SLC30A10: variants seen among roughly 807,000 people sequenced by gnomAD.
SLC30A10 encodes the protein solute carrier family 30 member 10.
Under a neutral mutation model 21.7 loss-of-function variants are expected in SLC30A10, and 8 were observed. The ratio of observed to expected loss-of-function variants is 0.37; its 90% CI spans 0.22 to 0.67. The LOEUF is 0.67. Among genes scored for constraint, SLC30A10 ranks in the 30% least tolerant of loss-of-function variants. The pLI is 0.58. For synonymous variants in SLC30A10, 272 were observed against 279.4 expected (o/e 0.97, Z 0.26); for missense variants, 521 against 642.5 (o/e 0.81, Z 2.04).
Position 219,914,349 on chromosome 1 carries a change from G to A in SLC30A10, c.*1100C>T, listed in dbSNP as rs760711715. The A allele has an allele frequency of 3.3e-5, 5 of 152,260 alleles. No homozygotes were observed. Among genetic ancestry groups the A allele is most frequent in the South Asian group, 4.1e-4 (2 of 4,828 alleles). 9.4% of individuals were successfully genotyped at this position (152,260 alleles called of 1,614,324 possible). ...TCAGCGACATGAAAGAAAATTTTAA[G>A]TTCCTCAAAAACACATTAAAGGCAG... is the stretch of plus-strand genomic sequence containing the variant. On this transcript the variant is annotated 3_prime_UTR_variant, in exon 4 of 4. Coordinates refer to ENST00000366926, the MANE Select transcript of SLC30A10 (RefSeq NM_018713.3).
At chr1:219,943,267 G>A (rs553934733) in intron 1 of SLC30A10, among the ~76,000 whole-genome samples, 1 of 152,290 alleles carries the variant, frequency 6.6e-6, no homozygotes, top group Non-Finnish European at 1.5e-5. Flanking sequence ...AAGTAGATTA[G>A]TTGAAATTAA....
chr1:219,926,882 C>T (rs56131453), intron 2 of SLC30A10, 146 bp downstream of exon 2: 9 of 626,790 alleles, frequency 1.4e-5, no homozygotes, highest in East Asian at 5.4e-5. Context: ...GCAGTGATTA[C>T]GAAAGAGAGT....
rs1275355991 is a variant in SLC30A10 at position 219,922,206 on chromosome 1, T to G, written c.719-3712A>C. On this transcript the variant is annotated intron_variant, in intron 2 of 3. Transcript: ENST00000366926. ...TTTTTTTTTTTTTTTTTTTTTTTTT[T>G]TTTTTTTTTTTTTTTTTTTTTTTTT... 9.0e-3 allele frequency among the ~76,000 whole-genome samples: 631 copies of G among 70,206 alleles called. 77 individuals carry two copies. Among genetic ancestry groups the G allele is most frequent in the East Asian group, 0.058 (124 of 2,150 alleles). 46.1% of individuals were successfully genotyped at this position (70,206 alleles called of 152,430 possible).
upstream of SLC30A10, among the ~76,000 whole-genome samples, chr1:219,931,963 A>C (rs1205510509): frequency 1.3e-5 from 2 of 152,162 alleles, no homozygotes; most frequent in Non-Finnish European, 2.9e-5. Context: ...CTTACCCAAG[A>C]CCACACAAGC....
intron 1 of SLC30A10, among the ~76,000 whole-genome samples, chr1:219,941,568 C>CCTTCT (rs1354909925): frequency 2.5e-5 from 3 of 118,802 alleles, no homozygotes; most frequent in African/African-American, 7.7e-5. Context: ...TTCCTTCCTT[C>CCTTCT]CTCCCTCCCT....
intron 1 of SLC30A10, among the ~76,000 whole-genome samples, chr1:219,947,516 G>A (rs537754366): frequency 6.6e-6 from 1 of 152,092 alleles, no homozygotes; most frequent in East Asian, 1.9e-4. Flanking sequence ...CTGGGTGACA[G>A]AGCAAGATCC....
chr1:219,939,219 A>G (rs959914964), intron 1 of SLC30A10, among the ~76,000 whole-genome samples: 1 of 152,196 alleles, frequency 6.6e-6, no homozygotes, highest in Non-Finnish European at 1.5e-5. Flanking sequence ...TTTCAGAAGC[A>G]GGAAGGCAAT....
At chr1:219,946,477 G>A (rs750094097) in intron 1 of SLC30A10, among the ~76,000 whole-genome samples, 5 of 152,194 alleles carry the variant, frequency 3.3e-5, no homozygotes. Flanking sequence ...AATCTGGAGA[G>A]TGTTGGGGGA....
chr1:219,915,148 C>A lies in SLC30A10; in HGVS notation c.*301G>T. On this transcript the variant is annotated 3_prime_UTR_variant, in exon 4 of 4. Coordinates refer to ENST00000366926, the MANE Select transcript of SLC30A10 (RefSeq NM_018713.3). The stretch of plus-strand genomic sequence containing the variant: ...AACACTGTATCCGCAGCTATTGAGC[C>A]CCAGTCCCAGACTTTAATGTCCCTG... 1 of 337,964 alleles carries A rather than the reference C, an allele frequency of 3.0e-6. No homozygotes were observed. Among genetic ancestry groups the A allele is most frequent in the Non-Finnish European group, 5.5e-6 (1 of 183,098 alleles). 20.9% of individuals were successfully genotyped at this position (337,964 alleles called of 1,614,324 possible). A position where few individuals can be genotyped will look rare whatever the true frequency, so the allele number is the denominator to read the frequency against.
chr1:219,927,678 CAAAA>C lies in SLC30A10; in HGVS notation c.640+119_640+122del, dbSNP rs111682715. The C allele has an allele frequency of 0.14, 41,637 of 306,060 alleles. 1,857 individuals carry two copies. Among genetic ancestry groups the C allele is most frequent in the Non-Finnish European group, 0.15 (31,718 of 216,208 alleles). 19.0% of individuals were successfully genotyped at this position (306,060 alleles called of 1,614,324 possible). A position where few individuals can be genotyped will look rare whatever the true frequency, so the allele number is the denominator to read the frequency against. On this transcript the variant is annotated intron_variant, in intron 1 of 3. Coordinates refer to ENST00000366926, the MANE Select transcript of SLC30A10 (RefSeq NM_018713.3). The stretch of plus-strand genomic sequence containing the variant: ...AAAAAAAAAAAAAAAACAACAACAA[CAAAA>C]AAAAAAAAACAGAAAAAAAGCATGC...
At position 219,913,351 on chromosome 1, in the gene SLC30A10, TA is replaced by T. The variant is rs1659459714; in HGVS notation, c.*2097del. On this transcript the variant is annotated 3_prime_UTR_variant, in exon 4 of 4. Coordinates refer to ENST00000366926, the MANE Select transcript of SLC30A10 (RefSeq NM_018713.3). ...AAGTGCCTTTTCTTACCCAGAAAAA[TA>T]TTTTAGAGATTAAAGAACAGTGTTT... is the stretch of plus-strand genomic sequence containing the variant. Among the ~76,000 whole-genome samples, 1 of 152,226 alleles carries T rather than the reference TA, an allele frequency of 6.6e-6. No homozygotes were observed. Among genetic ancestry groups the T allele is most frequent in the African/African-American group, 2.4e-5 (1 of 41,458 alleles).
intron 1 of SLC30A10, among the ~76,000 whole-genome samples, chr1:219,956,347 T>C (rs765749679): frequency 1.3e-5 from 2 of 152,142 alleles, no homozygotes; most frequent in African/African-American, 4.8e-5. Flanking sequence ...AAATTTCTAA[T>C]AGAAGAATTT....
chr1:219,938,104 C>T (rs1229785324), intron 1 of SLC30A10, among the ~76,000 whole-genome samples: 2 of 151,986 alleles, frequency 1.3e-5, no homozygotes, highest in East Asian at 3.9e-4. Flanking sequence ...TATGTAGTTA[C>T]CATGTTGGAT....
intron 1 of SLC30A10, among the ~76,000 whole-genome samples, chr1:219,950,923 A>C (rs1660258364): frequency 6.6e-6 from 1 of 152,312 alleles, no homozygotes; most frequent in East Asian, 1.9e-4. Context: ...ACTCCAACCT[A>C]GGTGACAAGA....
chr1:219,946,644 C>T (rs1275445871), intron 1 of SLC30A10, among the ~76,000 whole-genome samples: 1 of 152,078 alleles, frequency 6.6e-6, no homozygotes, highest in Non-Finnish European at 1.5e-5. Flanking sequence ...TGGCTCAGCC[C>T]TTCCTGGGCT....
intron 1 of SLC30A10, among the ~76,000 whole-genome samples, chr1:219,935,708 A>G (rs1025730094): frequency 6.6e-6 from 1 of 152,216 alleles, no homozygotes; most frequent in Non-Finnish European, 1.5e-5. Context: ...GGCTCCTTCC[A>G]TTGATTTCTG....
intron 1 of SLC30A10, among the ~76,000 whole-genome samples, chr1:219,939,785 G>A (rs1285043379): frequency 6.6e-6 from 1 of 152,080 alleles, no homozygotes; most frequent in African/African-American, 2.4e-5. Flanking sequence ...TCAAGGAGCT[G>A]TATCTGAGGA....
Position 219,911,164 on chromosome 1 carries a change from T to TTTTTTTTTTTTTTTTTTTTTTTTG in SLC30A10, c.*4284_*4285insCAAAAAAAAAAAAAAAAAAAAAAA, listed in dbSNP as rs1558247401. Among the ~76,000 whole-genome samples the TTTTTTTTTTTTTTTTTTTTTTTTG allele has an allele frequency of 6.9e-6, 1 of 145,126 alleles. No individual in the cohort carries two copies. On this transcript the variant is annotated 3_prime_UTR_variant, in exon 4 of 4. Transcript: ENST00000366926. The stretch of plus-strand genomic sequence containing the variant: ...TTCTACATCAGTTTTTTTTTTTTTT[T>TTTTTTTTTTTTTTTTTTTTTTTTG]TTTTTTTTTTGCAGTCTTTTACTAC...
At position 219,927,359 on chromosome 1, in the gene SLC30A10, A is replaced by G. The variant is rs543782746; in HGVS notation, c.641-254T>C. ...ATGGGAGCCCACCTGCAGCCCCTAA[A>G]CCCGTAACACCCAAGAAGACAAACG... On this transcript the variant is annotated intron_variant, in intron 1 of 3. Coordinates refer to ENST00000366926, the MANE Select transcript of SLC30A10 (RefSeq NM_018713.3). Among the ~76,000 whole-genome samples, 48 of 152,056 alleles carry G rather than the reference A, an allele frequency of 3.2e-4. No individual in the cohort carries two copies. The South Asian group carries it at 9.4e-3, about 30-fold the overall frequency.
Sources: allele counts gnomAD v4.1 joint callset (sites outside exome capture counted in the v4.1 genomes callset), GRCh38; gene constraint gnomAD v4.1.1; transcripts MANE v1.5; gene names NCBI Gene and HGNC (gene_info 2026-07-23, HGNC 2026-07-21).